Variants in ZNF407 observed in about 807,000 individuals in gnomAD.
ZNF407 encodes zinc finger protein 407.
A neutral mutation model predicts 131.2 loss-of-function variants in ZNF407; 17 were observed. The observed-to-expected ratio is 0.13, with a 90% CI of 0.09 to 0.19. ZNF407 has a LOEUF of 0.19. ZNF407 is among the 10% of genes least tolerant of loss of function. The pLI, the probability that ZNF407 is intolerant of heterozygous loss-of-function variation, is 1.00. For missense variants in ZNF407, 2,681 were observed against 2,830.6 expected (o/e 0.95, Z 1.20); for synonymous variants, 1,156 against 1,062.0 (o/e 1.09, Z -1.72).
intron 3 of ZNF407, among the ~76,000 whole-genome samples, chr18:74,739,129 T>C (rs970222194): frequency 9.9e-5 from 15 of 151,862 alleles, no homozygotes; most frequent in African/African-American, 3.1e-4. Flanking sequence ...TTTATCTCCC[T>C]AAAGATGTGG....
At chr18:74,748,896 T>A (rs531183464) in intron 3 of ZNF407, among the ~76,000 whole-genome samples, 1 of 152,296 alleles carries the variant, frequency 6.6e-6, no homozygotes, top group South Asian at 2.1e-4. Context: ...TCACCTCCTG[T>A]AACTGAAAGT....
At chr18:74,768,491 C>G (rs12970049) in intron 3 of ZNF407, among the ~76,000 whole-genome samples, 23,768 of 152,114 alleles carry the variant, frequency 0.16, 3,221 homozygotes, top group African/African-American at 0.37. Flanking sequence ...CAGGAACACC[C>G]TCATGTGTTT....
intron 8 of ZNF407, among the ~76,000 whole-genome samples, chr18:75,033,291 G>A (rs887764497): frequency 6.6e-6 from 1 of 151,822 alleles, no homozygotes; most frequent in Non-Finnish European, 1.5e-5. Flanking sequence ...TGCTCAGAAT[G>A]GGGGGAAGAT....
chr18:74,920,661 C>T lies in ZNF407; in HGVS notation c.5397C>T (p.Ile1799=), dbSNP rs1426027850. ...ATTTGAAGGAACAGCATCCTGACAT[C>T]GAAAACCCGGACCTCGCTTACCTGC... ...RNHLKEQHPD[I]ENPDLAYLHA... The change falls in exon 8 of 9, where the codon ATC becomes ATT. Residue 1799 remains isoleucine, a synonymous_variant. Transcript: ENST00000299687. 10 of 1,609,096 alleles carry T rather than the reference C, an allele frequency of 6.2e-6. No individual in the cohort carries two copies. Among genetic ancestry groups the T allele is most frequent in the African/African-American group, 1.3e-5 (1 of 74,850 alleles).
At chr18:75,027,990 G>A (rs532953480) in intron 8 of ZNF407, among the ~76,000 whole-genome samples, 1 of 152,320 alleles carries the variant, frequency 6.6e-6, no homozygotes, top group Admixed American at 6.5e-5. Context: ...ACAAGGCAGT[G>A]GTAGCAGAGA....
At chr18:74,997,910 G>A (rs1972798329) in intron 8 of ZNF407, among the ~76,000 whole-genome samples, 1 of 152,118 alleles carries the variant, frequency 6.6e-6, no homozygotes, top group Non-Finnish European at 1.5e-5. Context: ...TGATCACATG[G>A]CTCTGTTGTT....
At chr18:74,946,128 A>G (rs574104307) in intron 8 of ZNF407, among the ~76,000 whole-genome samples, 1 of 152,376 alleles carries the variant, frequency 6.6e-6, no homozygotes, top group African/African-American at 2.4e-5. Flanking sequence ...CTAGAGGTAC[A>G]TAACAGAAAA....
chr18:74,872,725 C>T (rs530151204), intron 4 of ZNF407, among the ~76,000 whole-genome samples: 19 of 145,944 alleles, frequency 1.3e-4, no homozygotes, highest in Non-Finnish European at 3.0e-5. Context: ...CACTCTACTC[C>T]AGCCTGGTGG....
chr18:74,811,210 C>T (rs559421489), intron 4 of ZNF407, among the ~76,000 whole-genome samples: 6 of 152,220 alleles, frequency 3.9e-5, no homozygotes, highest in African/African-American at 1.4e-4. Context: ...AAAAAGTGGG[C>T]GAAGGACATA....
intron 8 of ZNF407, among the ~76,000 whole-genome samples, chr18:75,059,335 G>A (rs1973597900): frequency 6.6e-6 from 1 of 152,214 alleles, no homozygotes; most frequent in Non-Finnish European, 1.5e-5. Flanking sequence ...TACTGAAGAA[G>A]AGGATGTTTG....
At chr18:74,626,685 T>C (rs948017204) in intron 1 of ZNF407, among the ~76,000 whole-genome samples, 6 of 152,236 alleles carry the variant, frequency 3.9e-5, no homozygotes, top group African/African-American at 1.4e-4. Flanking sequence ...CTATTCAGTA[T>C]ACTACAACCC....
intron 4 of ZNF407, among the ~76,000 whole-genome samples, chr18:74,873,977 A>T (rs1171923496): frequency 2.0e-5 from 3 of 152,166 alleles, no homozygotes; most frequent in African/African-American, 7.2e-5. Context: ...TTCCTTTTGA[A>T]ACCTTTAAGA....
At chr18:74,863,959 ACTAT>A (rs1970974548) in intron 4 of ZNF407, among the ~76,000 whole-genome samples, 1 of 152,042 alleles carries the variant, frequency 6.6e-6, no homozygotes, top group South Asian at 2.1e-4. Flanking sequence ...TGTTTTTTTA[ACTAT>A]CTTAGACAAA....
chr18:74,927,824 T>C (rs368402851), intron 8 of ZNF407, among the ~76,000 whole-genome samples: 24 of 113,250 alleles, frequency 2.1e-4, no homozygotes, highest in African/African-American at 7.5e-4. Context: ...AACAAACATA[T>C]ATATGTGTAC....
At chr18:75,044,558 A>G (rs1458565528) in intron 8 of ZNF407, among the ~76,000 whole-genome samples, 1 of 152,128 alleles carries the variant, frequency 6.6e-6, no homozygotes, top group Admixed American at 6.5e-5. Flanking sequence ...GAACAGCCCT[A>G]GGTAACGTTT....
intron 3 of ZNF407, among the ~76,000 whole-genome samples, chr18:74,730,808 A>G (rs987573428): frequency 2.6e-5 from 4 of 152,194 alleles, no homozygotes; most frequent in African/African-American, 9.6e-5. Context: ...TTTCCAATGT[A>G]GAAACTACAA....
chr18:74,903,693 G>A (rs2554131), intron 7 of ZNF407, among the ~76,000 whole-genome samples: 6 of 152,096 alleles, frequency 3.9e-5, no homozygotes, highest in Non-Finnish European at 7.4e-5. Context: ...GAGTTCGGGG[G>A]TCTATATTTA....
chr18:74,707,042 A>G (rs1456027306), intron 3 of ZNF407, among the ~76,000 whole-genome samples: 1 of 148,238 alleles, frequency 6.7e-6, no homozygotes, highest in Non-Finnish European at 1.5e-5. Flanking sequence ...GTCTCTGCCT[A>G]CCAGGTTCCA....
chr18:74,745,039 G>A (rs1442034549), intron 3 of ZNF407, among the ~76,000 whole-genome samples: 1 of 152,032 alleles, frequency 6.6e-6, no homozygotes, highest in Non-Finnish European at 1.5e-5. Flanking sequence ...TGAGATGAGA[G>A]AAGGAAGGGA....
Sources: gnomAD v4.1 joint callset for allele counts (sites outside exome capture counted in the v4.1 genomes callset) on GRCh38, gnomAD v4.1.1 for gene constraint, MANE v1.5 for transcripts, NCBI Gene and HGNC (gene_info 2026-07-23, HGNC 2026-07-21) for gene names.